Variants in CRYBG3 observed in about 807,000 individuals in gnomAD.
CRYBG3 encodes very large A-kinase anchor protein.
A neutral mutation model predicts 244.2 loss-of-function variants in CRYBG3; 127 were observed. That is an observed-to-expected ratio of 0.52 (90% confidence interval 0.45 to 0.60). The LOEUF is 0.60. CRYBG3 is among the 20% of genes least tolerant of loss of function. CRYBG3 has a pLI of 0.00. For synonymous variants in CRYBG3, 1,132 were observed against 1,195.8 expected (o/e 0.95, Z 1.10); for missense variants, 3,325 against 3,442.5 (o/e 0.97, Z 0.85).
chr3:97,919,034 T>G (rs771772584), intron 17 of CRYBG3, among the ~76,000 whole-genome samples: 14 of 152,270 alleles, frequency 9.2e-5, no homozygotes, highest in Middle Eastern at 3.4e-3. Flanking sequence ...AATAATACAA[T>G]CTATCAGAGA....
At chr3:97,935,009 A>G (rs2040146110) in intron 18 of CRYBG3, among the ~76,000 whole-genome samples, 3 of 151,944 alleles carry the variant, frequency 2.0e-5, no homozygotes, top group Admixed American at 2.0e-4. Context: ...TACTCTCACT[A>G]TTCCAAATTC....
intron 1 of CRYBG3, among the ~76,000 whole-genome samples, chr3:97,824,220 G>GT (rs1256422830): frequency 6.6e-6 from 1 of 152,156 alleles, no homozygotes; most frequent in Admixed American, 6.5e-5. Context: ...GAATGTCCCA[G>GT]TAACACAACA....
At chr3:97,933,673 G>T (rs747890620) in intron 17 of CRYBG3, 21 bp from the exon 18 acceptor site, 1 of 1,611,788 alleles carries the variant, frequency 6.2e-7, no homozygotes, top group South Asian at 1.1e-5. Flanking sequence ...CTATGGTGAC[G>T]CTTTCTTTTT....
intron 3 of CRYBG3, chr3:97,866,915 A>C (rs1457323944): frequency 6.6e-6 from 1 of 152,236 alleles, no homozygotes; most frequent in Non-Finnish European, 1.5e-5. Context: ...AGTTTGACTG[A>C]GATGCCGGCT....
At chr3:97,826,437 G>A (rs2038577629) in intron 1 of CRYBG3, among the ~76,000 whole-genome samples, 1 of 152,108 alleles carries the variant, frequency 6.6e-6, no homozygotes, top group Admixed American at 6.6e-5. Context: ...CGGAAAATAT[G>A]TAAAAAGGGT....
At chr3:97,831,669 A>G (rs2038655434) in intron 1 of CRYBG3, among the ~76,000 whole-genome samples, 1 of 152,172 alleles carries the variant, frequency 6.6e-6, no homozygotes, top group Non-Finnish European at 1.5e-5. Flanking sequence ...TTTTTAGTAT[A>G]TCACTTCAGC....
chr3:97,869,007 G>GA (rs35129956), intron 3 of CRYBG3, among the ~76,000 whole-genome samples: 4,154 of 144,274 alleles, frequency 0.029, 157 homozygotes, highest in African/African-American at 0.092. Flanking sequence ...TTAAAACTTT[G>GA]AAAAAAAAAA....
chr3:97,938,322 T>C (rs1165541399), intron 19 of CRYBG3, among the ~76,000 whole-genome samples: 2 of 152,044 alleles, frequency 1.3e-5, no homozygotes, highest in African/African-American at 2.4e-5. Context: ...ATCTGTGTTC[T>C]TAAGCAACCA....
chr3:97,938,021 G>A (rs2040183467), intron 19 of CRYBG3, among the ~76,000 whole-genome samples: 1 of 152,054 alleles, frequency 6.6e-6, no homozygotes, highest in South Asian at 2.1e-4. Context: ...GGAGTAGTGG[G>A]GAGGTTTCAT....
At chr3:97,850,867 T>G (rs1487052603) in intron 2 of CRYBG3, among the ~76,000 whole-genome samples, 1 of 152,022 alleles carries the variant, frequency 6.6e-6, no homozygotes, top group Non-Finnish European at 1.5e-5. Flanking sequence ...GATTTTAGCA[T>G]CAGCCTGTAA....
chr3:97,871,170 A>G (rs866516858), intron 3 of CRYBG3, among the ~76,000 whole-genome samples: 2 of 152,198 alleles, frequency 1.3e-5, no homozygotes, highest in South Asian at 4.1e-4. Context: ...TTAGATTTCT[A>G]TACTTACTCT....
intron 17 of CRYBG3, among the ~76,000 whole-genome samples, chr3:97,922,342 T>G (rs531429243): frequency 1.8e-4 from 28 of 152,114 alleles, no homozygotes; most frequent in African/African-American, 6.0e-4. Flanking sequence ...ACAAATGGGA[T>G]CTAATTAAAC....
chr3:97,920,539 C>T (rs544790656), intron 17 of CRYBG3, among the ~76,000 whole-genome samples: 9 of 151,708 alleles, frequency 5.9e-5, no homozygotes, highest in South Asian at 2.1e-4. Context: ...CCCCTCCCCC[C>T]ACTTTTTTTA....
chr3:97,893,018 G>A (rs369124487), intron 11 of CRYBG3, 25 bp downstream of exon 11: 44 of 1,580,676 alleles, frequency 2.8e-5, no homozygotes, highest in Non-Finnish European at 3.8e-5. Context: ...TTTAACATTT[G>A]CACAAGTAGT....
At position 97,874,327 on chromosome 3, in the gene CRYBG3, A is replaced by G; in HGVS notation, c.3133A>G (p.Arg1045Gly). ...ATTGGAAAAGAAATCCTCATCTTAC[A>G]GAAAGAAAGAGAACATCCATTTTTT... ...LKLEKKSSSYRKKENIHFLNG... is the reference protein window; with the variant it reads ...LKLEKKSSSYGKKENIHFLNG... Residue 1045 changes from arginine to glycine, a missense_variant, in exon 4 of 22, where the codon AGA (arginine) becomes GGA (glycine). Coordinates refer to ENST00000389622, the MANE Select transcript of CRYBG3 (RefSeq NM_153605.4). The G allele has an allele frequency of 3.4e-5, 52 of 1,526,558 alleles. No individual in the cohort carries two copies. Among genetic ancestry groups the G allele is most frequent in the Non-Finnish European group, 4.5e-5 (51 of 1,144,464 alleles). 94.6% of individuals were successfully genotyped at this position (1,526,558 alleles called of 1,614,324 possible). A position where few individuals can be genotyped will look rare whatever the true frequency, so the allele number is the denominator to read the frequency against.
intron 2 of CRYBG3, among the ~76,000 whole-genome samples, chr3:97,852,131 C>G (rs1325837923): frequency 2.0e-5 from 3 of 152,102 alleles, no homozygotes; most frequent in Non-Finnish European, 4.4e-5. Context: ...TGAGGATCAT[C>G]ATCTGAATAT....
chr3:97,932,940 T>A (rs1428431448), intron 17 of CRYBG3, among the ~76,000 whole-genome samples: 1 of 152,072 alleles, frequency 6.6e-6, no homozygotes, highest in Non-Finnish European at 1.5e-5. Context: ...ATAATCTAGC[T>A]TTCTACTGAG....
rs1389251201 is a variant in CRYBG3 at position 97,942,396 on chromosome 3, G to A, written c.8777G>A (p.Gly2926Glu). ...CAGAAGTGGAGACTGAATAAAAATG[G>A]AACTATCAGCTCTTATCTCAGTGAT... ...FRQKWRLNKN[G>E]TISSYLSDQL... is the part of the protein sequence containing the mutation. Residue 2926 changes from glycine to glutamate, a missense_variant, in exon 21 of 22, where the codon GGA (glycine) becomes GAA (glutamate). Coordinates refer to ENST00000389622, the MANE Select transcript of CRYBG3 (RefSeq NM_153605.4). 2 of 1,611,726 alleles carry A rather than the reference G, an allele frequency of 1.2e-6. No homozygotes were observed. The highest frequency in any genetic ancestry group is 1.1e-5 in the South Asian group (1 of 90,902).
In CRYBG3 at chr3:97,875,888, C is replaced by T; in HGVS notation, c.4694C>T (p.Pro1565Leu). The T allele has an allele frequency of 8.1e-7, 1 of 1,231,912 alleles. No individual in the cohort carries two copies. The highest frequency in any genetic ancestry group is 1.0e-6 in the Non-Finnish European group (1 of 987,890). 76.3% of individuals were successfully genotyped at this position (1,231,912 alleles called of 1,614,324 possible). ...AATATTCTGAAATATGAGGCAGTCC[C>T]TCCTATGATAGAAATGGGAAGAATA... Reference protein sequence around the residue: ...ELNILKYEAVPPMIEMGRIHK... With the variant: ...ELNILKYEAVLPMIEMGRIHK... The change falls in exon 4 of 22, where the codon CCT (proline) becomes CTT (leucine). Residue 1565 changes from proline to leucine, a missense_variant. Pro to Leu is a moderately conservative substitution (Grantham distance 98, BLOSUM62 -3). Coordinates refer to ENST00000389622, the MANE Select transcript of CRYBG3 (RefSeq NM_153605.4).
Sources: allele counts gnomAD v4.1 joint callset (sites outside exome capture counted in the v4.1 genomes callset), GRCh38; gene constraint gnomAD v4.1.1; transcripts MANE v1.5; gene names NCBI Gene and HGNC (gene_info 2026-07-23, HGNC 2026-07-21).